Variants in FRS2 observed in about 807,000 individuals in gnomAD.
The protein encoded by FRS2 is fibroblast growth factor receptor substrate 2.
FRS2 carries 8 observed loss-of-function variants against 43.9 expected under a neutral mutation model. That is an observed-to-expected ratio of 0.18 (90% CI 0.11 to 0.33). The LOEUF is 0.33. FRS2 is among the 10% of genes least tolerant of loss of function. FRS2 has a pLI of 1.00. For missense variants in FRS2, 534 were observed against 627.6 expected (o/e 0.85, Z 1.59); for synonymous variants, 219 against 220.3 (o/e 0.99, Z 0.05).
chr12:69,573,538 C>T (rs893406962), intron 8 of FRS2, among the ~76,000 whole-genome samples: 1 of 152,102 alleles, frequency 6.6e-6, no homozygotes, highest in Non-Finnish European at 1.5e-5. Flanking sequence ...TCTCGGCTCA[C>T]TGCAACCTCT....
At chr12:69,534,595 T>G (rs896508101) in intron 3 of FRS2, among the ~76,000 whole-genome samples, 1 of 152,182 alleles carries the variant, frequency 6.6e-6, no homozygotes, top group African/African-American at 2.4e-5. Flanking sequence ...CATGGCTGTT[T>G]GGAGAAGAAT....
rs140997021 is a variant in FRS2, at chr12:69,500,244, G to A, written c.-261+29714G>A. The stretch of plus-strand genomic sequence containing the variant: ...AACAAAAAACAACAACAAACGACAT[G>A]AAGATACTAAGATCTTGTAATTAGA... On this transcript the variant is annotated intron_variant, in intron 1 of 8. Coordinates refer to ENST00000549921, the MANE Select transcript of FRS2 (RefSeq NM_001278356.2). Among the ~76,000 whole-genome samples, 153 of 152,210 alleles carry A rather than the reference G, an allele frequency of 1.0e-3. 1 individual carries two copies. The highest frequency in any genetic ancestry group is 3.5e-3 in the African/African-American group (144 of 41,548).
chr12:69,532,776 A>T (rs1227406528), intron 3 of FRS2, among the ~76,000 whole-genome samples: 1 of 152,230 alleles, frequency 6.6e-6, no homozygotes, highest in Non-Finnish European at 1.5e-5. Context: ...ATATATCAGC[A>T]CTTAAGTATT....
rs1230798274 is a variant in FRS2 at position 69,574,895 on chromosome 12, G to A, written c.1467G>A (p.Leu489=). ...TAAMSNLQKA[L]PRDDGTSRKT... ...CTATGTCAAATTTGCAGAAAGCACTGCCACGAGATGATGGTACATCTAGGA... is the reference window on the plus strand; with the variant it reads ...CTATGTCAAATTTGCAGAAAGCACTACCACGAGATGATGGTACATCTAGGA... Residue 489 remains leucine, a synonymous_variant, in exon 9 of 9, where the codon CTG becomes CTA. Coordinates refer to ENST00000549921, the MANE Select transcript of FRS2 (RefSeq NM_001278356.2). 1 of 1,613,824 alleles carries A rather than the reference G, an allele frequency of 6.2e-7. No individual in the cohort carries two copies. The highest frequency in any genetic ancestry group is 1.1e-5 in the South Asian group (1 of 91,068).
At chr12:69,493,668 C>T (rs1409118007) in intron 1 of FRS2, among the ~76,000 whole-genome samples, 1 of 152,172 alleles carries the variant, frequency 6.6e-6, no homozygotes, top group Non-Finnish European at 1.5e-5. Flanking sequence ...TTGTGATAAG[C>T]CGAGATCGCG....
intron 3 of FRS2, among the ~76,000 whole-genome samples, chr12:69,548,585 A>G (rs183320402): frequency 1.3e-5 from 2 of 152,308 alleles, no homozygotes; most frequent in Admixed American, 6.5e-5. Context: ...TTATAGTGTA[A>G]TATATAATTA....
intron 3 of FRS2, among the ~76,000 whole-genome samples, chr12:69,560,071 G>A (rs2135771910): frequency 6.6e-6 from 1 of 152,126 alleles, no homozygotes; most frequent in South Asian, 2.1e-4. Flanking sequence ...CTCTTTCCAT[G>A]TCATTCTGCA....
chr12:69,482,386 C>T (rs1871425432), intron 1 of FRS2, among the ~76,000 whole-genome samples: 1 of 152,108 alleles, frequency 6.6e-6, no homozygotes. Flanking sequence ...TTAATATAAT[C>T]CTTTGATCTG....
At chr12:69,494,423 G>A (rs1461861974) in intron 1 of FRS2, among the ~76,000 whole-genome samples, 2 of 152,142 alleles carry the variant, frequency 1.3e-5, no homozygotes, top group African/African-American at 2.4e-5. Context: ...ATTTATACAT[G>A]AGGAAACTCT....
intron 1 of FRS2, among the ~76,000 whole-genome samples, chr12:69,475,714 A>C (rs1392785457): frequency 2.0e-5 from 3 of 151,896 alleles, no homozygotes; most frequent in African/African-American, 4.8e-5. Flanking sequence ...GAATAGGTTA[A>C]TATTTGGTTT....
intron 1 of FRS2, among the ~76,000 whole-genome samples, chr12:69,495,701 A>G (rs984782133): frequency 1.2e-4 from 18 of 152,214 alleles, no homozygotes; most frequent in African/African-American, 3.9e-4. Flanking sequence ...TGGCCTGGGC[A>G]ACATAGCAAG....
At chr12:69,570,992 C>A (rs1290515644) in intron 6 of FRS2, among the ~76,000 whole-genome samples, 1 of 152,156 alleles carries the variant, frequency 6.6e-6, no homozygotes, top group East Asian at 1.9e-4. Context: ...AGTTGGGCTC[C>A]CCCTGCTGTT....
intron 4 of FRS2, among the ~76,000 whole-genome samples, chr12:69,564,833 A>T (rs1483120579): frequency 6.6e-6 from 1 of 152,230 alleles, no homozygotes; most frequent in African/African-American, 2.4e-5. Context: ...GTGGTTTTCC[A>T]TCATGTGTAG....
rs761404316 is a variant in FRS2 at position 69,572,288 on chromosome 12, A to G, written c.576+7A>G. 7 of 1,607,440 alleles carry G rather than the reference A, an allele frequency of 4.4e-6. No homozygotes were observed. The Admixed American group carries it at 1.0e-4, about 23-fold the overall frequency. ...GCTTGTGGCTGAGGAACAAGTAAGC[A>G]TGTGCTACTGTGTAACAGCAATAAT... On this transcript the variant is annotated splice_region_variant and intron_variant, in intron 8 of 8. Coordinates refer to ENST00000549921, the MANE Select transcript of FRS2 (RefSeq NM_001278356.2).
At chr12:69,570,261 T>C (rs916674687) in intron 5 of FRS2, 70 bp from the exon 6 acceptor site, 1 of 1,129,728 alleles carries the variant, frequency 8.9e-7, no homozygotes, top group Non-Finnish European at 1.3e-6. Flanking sequence ...TACAAATAAC[T>C]AATTAGCAAC....
chr12:69,512,831 C>T (rs1874590580), intron 1 of FRS2, among the ~76,000 whole-genome samples: 2 of 152,128 alleles, frequency 1.3e-5, no homozygotes, highest in African/African-American at 4.8e-5. Flanking sequence ...TAAATCAGAA[C>T]GTTATGTTAA....
At chr12:69,528,852 C>T (rs945396241) in intron 1 of FRS2, among the ~76,000 whole-genome samples, 1 of 152,112 alleles carries the variant, frequency 6.6e-6, no homozygotes, top group Non-Finnish European at 1.5e-5. Context: ...GAGAAATAAG[C>T]CAGAGAGAGA....
intron 1 of FRS2, among the ~76,000 whole-genome samples, chr12:69,472,045 G>T (rs998157766): frequency 6.6e-6 from 1 of 152,100 alleles, no homozygotes; most frequent in Non-Finnish European, 1.5e-5. Context: ...AAAAATTGTG[G>T]AGAGATTAGC....
intron 3 of FRS2, among the ~76,000 whole-genome samples, chr12:69,557,619 T>TGTGTGTGTGCGCGCGCGCGC (rs1555192498): frequency 8.4e-6 from 1 of 118,966 alleles, no homozygotes; most frequent in Admixed American, 8.4e-5. Flanking sequence ...TGTGTGTGTG[T>TGTGTGTGTGCGCGCGCGCGC]GCGCGCGCGC....
Sources: gnomAD v4.1 joint callset for allele counts (sites outside exome capture counted in the v4.1 genomes callset) on GRCh38, gnomAD v4.1.1 for gene constraint, MANE v1.5 for transcripts, NCBI Gene and HGNC (gene_info 2026-07-23, HGNC 2026-07-21) for gene names.